NAALADL2: variants seen among roughly 807,000 people sequenced by gnomAD.
NAALADL2 encodes the protein inactive N-acetylated-alpha-linked acidic dipeptidase-like protein 2.
A neutral mutation model predicts 87.2 loss-of-function variants in NAALADL2; 76 were observed. The ratio of observed to expected loss-of-function variants is 0.87; its 90% confidence interval spans 0.72 to 1.05. The LOEUF is 1.05. Among genes scored for constraint, NAALADL2 ranks in the 50% least tolerant of loss-of-function variants. The pLI, the probability that NAALADL2 is intolerant of heterozygous loss-of-function variation, is 0.00. For synonymous variants in NAALADL2, 354 were observed against 331.0 expected (o/e 1.07, Z -0.75); for missense variants, 1,089 against 945.8 (o/e 1.15, Z -1.99).
chr3:175,536,651 C>A (rs201027699), intron 9 of NAALADL2, among the ~76,000 whole-genome samples: 192 of 151,818 alleles, frequency 1.3e-3, no homozygotes, highest in African/African-American at 4.2e-3. Flanking sequence ...AAAAAAAAAA[C>A]CTATTTTATT....
intron 2 of NAALADL2, among the ~76,000 whole-genome samples, chr3:174,579,407 C>G (rs115482292): frequency 1.3e-5 from 2 of 151,846 alleles, no homozygotes; most frequent in Admixed American, 6.6e-5. Flanking sequence ...ACAAGTAACA[C>G]GTAGGTGAAT....
At chr3:174,606,628 T>TAA (rs1560087825) in intron 2 of NAALADL2, among the ~76,000 whole-genome samples, 1 of 151,864 alleles carries the variant, frequency 6.6e-6, no homozygotes, top group East Asian at 1.9e-4. Context: ...GAAAAAAGAA[T>TAA]AAAAAGAAAT....
At chr3:174,623,114 T>C (rs116101072) in intron 2 of NAALADL2, among the ~76,000 whole-genome samples, 3,729 of 152,272 alleles carry the variant, frequency 0.024, 157 homozygotes, top group African/African-American at 0.085. Flanking sequence ...TCCCATGGTG[T>C]TATTCAAACA....
At chr3:175,343,915 A>T (rs1006211495) in intron 5 of NAALADL2, among the ~76,000 whole-genome samples, 2 of 152,028 alleles carry the variant, frequency 1.3e-5, no homozygotes, top group African/African-American at 4.8e-5. Flanking sequence ...AAGAGGAAAG[A>T]GAAAGCAACT....
chr3:175,015,916 CTTAA>C (rs1560479165), intron 1 of NAALADL2, among the ~76,000 whole-genome samples: 1 of 151,686 alleles, frequency 6.6e-6, no homozygotes, highest in African/African-American at 2.4e-5. Flanking sequence ...ATGTGTTTAA[CTTAA>C]TTGTTAGTTT....
chr3:175,410,495 G>A (rs1713298960), intron 5 of NAALADL2, among the ~76,000 whole-genome samples: 1 of 152,018 alleles, frequency 6.6e-6, no homozygotes, highest in Admixed American at 6.6e-5. Context: ...TTATTCCACA[G>A]ATGTTTATGG....
At chr3:174,693,710 T>C (rs774162258) in intron 2 of NAALADL2, among the ~76,000 whole-genome samples, 9 of 152,096 alleles carry the variant, frequency 5.9e-5, no homozygotes, top group Non-Finnish European at 1.2e-4. Context: ...AGGCAAGGGA[T>C]ACAGGGAATA....
chr3:174,915,092 T>C (rs1734198593), intron 1 of NAALADL2, among the ~76,000 whole-genome samples: 3 of 152,232 alleles, frequency 2.0e-5, no homozygotes, highest in Admixed American at 1.3e-4. Context: ...TAGTATCTAA[T>C]TGCCCACTAA....
At chr3:175,319,128 G>GCT in intron 4 of NAALADL2, among the ~76,000 whole-genome samples, 1 of 152,326 alleles carries the variant, frequency 6.6e-6, no homozygotes, top group Non-Finnish European at 1.5e-5. Flanking sequence ...CTTAAATGCA[G>GCT]CTCTCTCATT....
At chr3:175,317,561 C>T (rs987642127) in intron 4 of NAALADL2, among the ~76,000 whole-genome samples, 4 of 152,002 alleles carry the variant, frequency 2.6e-5, no homozygotes, top group Non-Finnish European at 4.4e-5. Flanking sequence ...CAGACCTTGT[C>T]CTACTTCTCT....
intron 3 of NAALADL2, among the ~76,000 whole-genome samples, chr3:175,245,107 T>C (rs181219150): frequency 2.8e-4 from 43 of 152,286 alleles, no homozygotes; most frequent in Non-Finnish European, 5.1e-4. Context: ...CTTCTCTACA[T>C]ATTTTTCATA....
At chr3:174,577,434 T>A (rs1256824290) in intron 2 of NAALADL2, among the ~76,000 whole-genome samples, 2 of 152,078 alleles carry the variant, frequency 1.3e-5, no homozygotes, top group Non-Finnish European at 2.9e-5. Flanking sequence ...AGACAGAAAC[T>A]GGGGATACTT....
intron 1 of NAALADL2, among the ~76,000 whole-genome samples, chr3:174,513,260 A>G (rs1719726109): frequency 6.6e-6 from 1 of 152,100 alleles, no homozygotes; most frequent in South Asian, 2.1e-4. Flanking sequence ...GGCGTGAGCC[A>G]CCACACCCAG....
At position 175,471,733 on chromosome 3, in the gene NAALADL2, C is replaced by A; in HGVS notation, c.1628C>A (p.Pro543Gln). 1 of 1,608,504 alleles carries A rather than the reference C, an allele frequency of 6.2e-7. No individual in the cohort carries two copies. The highest frequency in any genetic ancestry group is 8.5e-7 in the Non-Finnish European group (1 of 1,177,388). ...GNSSLYPVASPSLQQLVVEKN... is the reference protein window; with the variant it reads ...GNSSLYPVASQSLQQLVVEKN... Reference sequence around the variant, plus strand: ...TCTAGTCTGTATCCTGTAGCATCACCATCTCTTCAGCAACTGGTAGTAGAG... The same window carrying A: ...TCTAGTCTGTATCCTGTAGCATCACAATCTCTTCAGCAACTGGTAGTAGAG... Residue 543 changes from proline (P) to glutamine (Q), a missense_variant, in exon 9 of 14, where the codon CCA (proline) becomes CAA (glutamine). Physicochemically the swap from Pro to Gln is moderately conservative, Grantham distance 76. Coordinates refer to ENST00000454872, the MANE Select transcript of NAALADL2 (RefSeq NM_207015.3).
chr3:175,020,030 A>T (rs9825672), intron 1 of NAALADL2, among the ~76,000 whole-genome samples: 13,869 of 152,134 alleles, frequency 0.091, 629 homozygotes, highest in Middle Eastern at 0.21. Flanking sequence ...ACAGTATGTT[A>T]CACATAATAA....
At chr3:175,613,117 T>C (rs568781003) in intron 10 of NAALADL2, among the ~76,000 whole-genome samples, 11 of 152,318 alleles carry the variant, frequency 7.2e-5, no homozygotes, top group African/African-American at 2.6e-4. Flanking sequence ...GGGTGTTAAA[T>C]AGTTATAGAA....
At chr3:174,609,742 A>C (rs1224172074) in intron 2 of NAALADL2, among the ~76,000 whole-genome samples, 3 of 152,198 alleles carry the variant, frequency 2.0e-5, no homozygotes, top group African/African-American at 7.2e-5. Flanking sequence ...ATACTGCCCA[A>C]GGTAATTTAT....
intron 4 of NAALADL2, among the ~76,000 whole-genome samples, chr3:175,282,606 A>G (rs1341083332): frequency 6.6e-6 from 1 of 152,014 alleles, no homozygotes; most frequent in Non-Finnish European, 1.5e-5. Flanking sequence ...ACCCCCACCA[A>G]ACTCTACTGG....
intron 9 of NAALADL2, among the ~76,000 whole-genome samples, chr3:175,501,230 T>C (rs1200334037): frequency 6.6e-6 from 1 of 152,118 alleles, no homozygotes; most frequent in Non-Finnish European, 1.5e-5. Context: ...AATGAAAATT[T>C]ATTGGTTCAT....
Sources: gnomAD v4.1 joint callset for allele counts (sites outside exome capture counted in the v4.1 genomes callset) on GRCh38, gnomAD v4.1.1 for gene constraint, MANE v1.5 for transcripts, NCBI Gene and HGNC (gene_info 2026-07-23, HGNC 2026-07-21) for gene names.